The following RAB38 variants were observed in gnomAD, a reference collection of about 807,000 sequenced individuals.
RAB38 encodes the protein RAB38, member RAS oncogene family.
RAB38 carries 15 observed loss-of-function variants against 18.4 expected under a neutral mutation model. The ratio of observed to expected loss-of-function variants is 0.82; its 90% CI spans 0.55 to 1.26. RAB38 has a LOEUF of 1.26. Among genes scored for constraint, RAB38 ranks in the 50% most tolerant of loss-of-function variants. The pLI, the probability that RAB38 is intolerant of heterozygous loss-of-function variation, is 0.00. For missense variants in RAB38, 294 were observed against 267.4 expected (o/e 1.10, Z -0.69); for synonymous variants, 101 against 104.4 (o/e 0.97, Z 0.20).
chr11:87,959,716 A>G, the RAB38 span, among the ~76,000 whole-genome samples: 4 of 152,134 alleles, frequency 2.6e-5, no homozygotes, highest in African/African-American at 9.7e-5. Context: ...AAATAAAATT[A>G]CTTGTTTTCC....
At chr11:88,091,121 G>T in the RAB38 span, among the ~76,000 whole-genome samples, 4 of 152,000 alleles carry the variant, frequency 2.6e-5, no homozygotes, top group African/African-American at 9.7e-5. Flanking sequence ...CCCAAATGAT[G>T]TAAGAATTTA....
chr11:87,886,738 T>G, the RAB38 span, among the ~76,000 whole-genome samples: 3 of 151,808 alleles, frequency 2.0e-5, no homozygotes, highest in Non-Finnish European at 2.9e-5. Context: ...AAAGTAAGGT[T>G]GAGAAAGAAA....
the RAB38 span, among the ~76,000 whole-genome samples, chr11:87,820,072 A>G: frequency 1.3e-5 from 2 of 152,322 alleles, no homozygotes; most frequent in Non-Finnish European, 2.9e-5. Flanking sequence ...ATAAGCTCTC[A>G]GGGAAGTAAG....
chr11:88,085,412 G>T, the RAB38 span, among the ~76,000 whole-genome samples: 1 of 151,862 alleles, frequency 6.6e-6, no homozygotes, highest in Non-Finnish European at 1.5e-5. Context: ...CTTTTACAAA[G>T]TAACTTTAGC....
At chr11:88,125,484 A>G (rs1173119728) in intron 2 of RAB38, among the ~76,000 whole-genome samples, 3 of 152,160 alleles carry the variant, frequency 2.0e-5, no homozygotes, top group African/African-American at 4.8e-5. Context: ...TATATCCTCT[A>G]GCTTCAGAAT....
the RAB38 span, among the ~76,000 whole-genome samples, chr11:87,905,159 G>T: frequency 2.0e-5 from 3 of 151,504 alleles, no homozygotes; most frequent in Non-Finnish European, 4.4e-5. Context: ...ATACTGAAAA[G>T]CCAACTGATG....
chr11:88,070,933 G>C, the RAB38 span, among the ~76,000 whole-genome samples: 1 of 152,150 alleles, frequency 6.6e-6, no homozygotes, highest in Non-Finnish European at 1.5e-5. Context: ...CATAATATTT[G>C]GTAATAGAAC....
At chr11:88,086,570 G>C in the RAB38 span, among the ~76,000 whole-genome samples, 1 of 151,908 alleles carries the variant, frequency 6.6e-6, no homozygotes, top group East Asian at 1.9e-4. Context: ...CAAAGAGCTG[G>C]ATATTAGAGT....
chr11:88,036,519 T>C, the RAB38 span, among the ~76,000 whole-genome samples: 1 of 152,034 alleles, frequency 6.6e-6, no homozygotes, highest in Non-Finnish European at 1.5e-5. Flanking sequence ...AAAATGTCTA[T>C]ACCAATGCCA....
At chr11:88,035,170 G>T in the RAB38 span, among the ~76,000 whole-genome samples, 3 of 152,062 alleles carry the variant, frequency 2.0e-5, no homozygotes, top group Admixed American at 6.6e-5. Context: ...TAAAAAAGTG[G>T]TATCTTCTCT....
the RAB38 span, among the ~76,000 whole-genome samples, chr11:88,074,643 G>C: frequency 6.6e-6 from 1 of 152,154 alleles, no homozygotes; most frequent in Non-Finnish European, 1.5e-5. Context: ...GGAAGGAAGG[G>C]AGAGAAGAGT....
the RAB38 span, among the ~76,000 whole-genome samples, chr11:87,957,863 G>A: frequency 3.9e-5 from 6 of 152,166 alleles, no homozygotes; most frequent in East Asian, 3.9e-4. Flanking sequence ...CCTTCCTAAC[G>A]AAATACTCAG....
At chr11:87,873,128 A>C in the RAB38 span, among the ~76,000 whole-genome samples, 1 of 151,536 alleles carries the variant, frequency 6.6e-6, no homozygotes, top group African/African-American at 2.4e-5. Flanking sequence ...CAATGTTTTC[A>C]ATTTTTGACA....
chr11:87,964,990 C>T, the RAB38 span, among the ~76,000 whole-genome samples: 33 of 152,100 alleles, frequency 2.2e-4, no homozygotes, highest in African/African-American at 7.7e-4. Flanking sequence ...GTTTCTCTGC[C>T]TTAGTTAGCA....
At chr11:87,947,271 G>A in the RAB38 span, among the ~76,000 whole-genome samples, 3,499 of 151,926 alleles carry the variant, frequency 0.023, 139 homozygotes, top group African/African-American at 0.081. Context: ...TGAGTTCATT[G>A]TAGATTCTGG....
chr11:88,138,822 G>A (rs1036973548), intron 2 of RAB38, among the ~76,000 whole-genome samples: 106 of 147,994 alleles, frequency 7.2e-4, no homozygotes, highest in African/African-American at 2.5e-3. Flanking sequence ...TTGCTCTGTC[G>A]CCCAGGCTGG....
the RAB38 span, among the ~76,000 whole-genome samples, chr11:88,024,992 A>G: frequency 6.6e-6 from 1 of 152,134 alleles, no homozygotes; most frequent in East Asian, 1.9e-4. Context: ...ACTTAATCAT[A>G]CATTTAGAAA....
At chr11:87,893,348 CAT>C in the RAB38 span, among the ~76,000 whole-genome samples, 6 of 71,454 alleles carry the variant, frequency 8.4e-5, no homozygotes, top group East Asian at 5.1e-4. Flanking sequence ...CACACACACA[CAT>C]ATATATACCT....
At chr11:87,923,694 C>T in the RAB38 span, among the ~76,000 whole-genome samples, 22 of 151,682 alleles carry the variant, frequency 1.5e-4, no homozygotes, top group Non-Finnish European at 2.5e-4. Context: ...AAGAAGAAGT[C>T]GGTGCTTTGG....
Sources: gnomAD v4.1 joint callset for allele counts (sites outside exome capture counted in the v4.1 genomes callset) on GRCh38, gnomAD v4.1.1 for gene constraint, MANE v1.5 for transcripts, NCBI Gene and HGNC (gene_info 2026-07-23, HGNC 2026-07-21) for gene names.